ROR1: variants seen among roughly 807,000 people sequenced by gnomAD.
The protein encoded by ROR1 is ROR family WNT receptor 1.
ROR1 carries 19 observed loss-of-function variants against 78.8 expected under a neutral mutation model. The ratio of observed to expected loss-of-function variants is 0.24; its 90% CI spans 0.17 to 0.35. The LOEUF (loss-of-function observed/expected upper bound fraction) is 0.35. Among genes scored for constraint, ROR1 ranks in the 10% least tolerant of loss-of-function variants. The probability of loss-of-function intolerance (pLI) is 1.00; values close to 1 mark genes in which losing one functional copy is unlikely to be tolerated. For missense variants in ROR1, 917 were observed against 1,177.8 expected, an observed-to-expected ratio of 0.78 and a Z score of 3.24; for synonymous variants, 386 against 433.6, an observed-to-expected ratio of 0.89 and a Z score of 1.36.
intron 1 of ROR1, among the ~76,000 whole-genome samples, chr1:63,904,680 A>G (rs1034253500): frequency 6.6e-6 from 1 of 152,200 alleles, no homozygotes; most frequent in Non-Finnish European, 1.5e-5. Flanking sequence ...CATTAGGGTG[A>G]GCCCTAATCC....
intron 1 of ROR1, among the ~76,000 whole-genome samples, chr1:63,901,300 C>T (rs1645483825): frequency 6.6e-6 from 1 of 152,172 alleles, no homozygotes; most frequent in Admixed American, 6.5e-5. Flanking sequence ...TTCTGAACCA[C>T]CGATCACCTA....
chr1:64,113,410 G>A (rs567737330), intron 4 of ROR1, among the ~76,000 whole-genome samples: 19 of 152,178 alleles, frequency 1.2e-4, no homozygotes, highest in Non-Finnish European at 2.4e-4. Flanking sequence ...GCAGTAGGCC[G>A]AAGAGATAGC....
At chr1:64,098,975 CTTTCACACAT>C (rs1430646052) in intron 4 of ROR1, among the ~76,000 whole-genome samples, 1 of 151,844 alleles carries the variant, frequency 6.6e-6, no homozygotes, top group African/African-American at 2.4e-5. Context: ...TCATAAAGCA[CTTTCACACAT>C]GTTATTCATG....
chr1:63,930,537 A>G (rs757628671), intron 1 of ROR1, among the ~76,000 whole-genome samples: 1 of 152,244 alleles, frequency 6.6e-6, no homozygotes, highest in Non-Finnish European at 1.5e-5. Context: ...CCAGTCTTCC[A>G]GCTGCATCAG....
chr1:63,876,645 GGTGTGTGT>G (rs367954652), intron 1 of ROR1, among the ~76,000 whole-genome samples: 18 of 130,610 alleles, frequency 1.4e-4, no homozygotes, highest in African/African-American at 4.5e-4. Context: ...CCACGAAAGG[GGTGTGTGT>G]GTGTGTGTGT....
chr1:63,979,855 TAGAA>T (rs1290818150), intron 1 of ROR1, among the ~76,000 whole-genome samples: 20 of 152,088 alleles, frequency 1.3e-4, no homozygotes, highest in Non-Finnish European at 2.8e-4. Context: ...AGGTAACAAA[TAGAA>T]AGATCTAAAA....
chr1:64,111,939 TC>T (rs1648114524), intron 4 of ROR1: 1 of 152,206 alleles, frequency 6.6e-6, no homozygotes, highest in Admixed American at 6.5e-5. Flanking sequence ...CAATGAAAAG[TC>T]CTTACATTCC....
intron 1 of ROR1, among the ~76,000 whole-genome samples, chr1:63,965,250 T>G (rs1646064088): frequency 1.3e-5 from 2 of 152,140 alleles, no homozygotes; most frequent in African/African-American, 4.8e-5. Context: ...AGCTCCACAC[T>G]AAACTGGCCC....
intron 4 of ROR1, among the ~76,000 whole-genome samples, chr1:64,054,120 A>G (rs1646855247): frequency 6.6e-6 from 1 of 151,520 alleles, no homozygotes; most frequent in Non-Finnish European, 1.5e-5. Flanking sequence ...TGCCTGGCAA[A>G]TTTTTGTATG....
intron 1 of ROR1, among the ~76,000 whole-genome samples, chr1:63,821,251 GT>G (rs957610118): frequency 5.9e-5 from 9 of 152,170 alleles, no homozygotes; most frequent in African/African-American, 2.2e-4. Context: ...CTTGACCCCA[GT>G]TTCACCCACA....
At chr1:63,986,578 T>A (rs998727957) in intron 1 of ROR1, among the ~76,000 whole-genome samples, 1 of 152,170 alleles carries the variant, frequency 6.6e-6, no homozygotes, top group African/African-American at 2.4e-5. Context: ...CAGCAAAGGT[T>A]CTAACCCAGG....
chr1:64,080,537 C>T (rs1312777127), intron 4 of ROR1, among the ~76,000 whole-genome samples: 3 of 152,128 alleles, frequency 2.0e-5, no homozygotes, highest in Admixed American at 6.6e-5. Context: ...TGAACTCTAC[C>T]CCCACCCATC....
chr1:63,828,510 G>C (rs1644968629), intron 1 of ROR1, among the ~76,000 whole-genome samples: 4 of 152,100 alleles, frequency 2.6e-5, no homozygotes, highest in Admixed American at 2.6e-4. Context: ...AATTACTGAT[G>C]GGGGCAACTT....
intron 2 of ROR1, among the ~76,000 whole-genome samples, chr1:64,034,671 G>T (rs547531349): frequency 6.6e-6 from 1 of 152,220 alleles, no homozygotes; most frequent in East Asian, 1.9e-4. Flanking sequence ...CTACCAAGAA[G>T]TGCCTTCTTC....
In ROR1 at chr1:63,940,727, A is replaced by G. The variant is rs927410950; in HGVS notation, c.92-68578A>G. On this transcript the variant is annotated intron_variant, in intron 1 of 8. Transcript: ENST00000371079. The stretch of plus-strand genomic sequence containing the variant: ...GAGAGGGGTTGATAAGGAACAGGAT[A>G]TTTGTATGGGTTTAAAGTATCTCCC... Among the ~76,000 whole-genome samples the G allele has an allele frequency of 1.8e-4, 27 of 152,292 alleles. 1 individual carries two copies. The highest frequency in any genetic ancestry group is 1.0e-3 in the Admixed American group (16 of 15,300).
chr1:64,084,959 C>T (rs897578212), intron 4 of ROR1, among the ~76,000 whole-genome samples: 2 of 152,180 alleles, frequency 1.3e-5, no homozygotes, highest in African/African-American at 4.8e-5. Context: ...CTGATTCCAT[C>T]CAGTTTCAAA....
chr1:63,904,300 G>A (rs1418441876), intron 1 of ROR1, among the ~76,000 whole-genome samples: 2 of 152,080 alleles, frequency 1.3e-5, no homozygotes, highest in Non-Finnish European at 2.9e-5. Context: ...GGAAACTGAG[G>A]CCCAGATAAA....
intron 1 of ROR1, among the ~76,000 whole-genome samples, chr1:63,983,226 A>G (rs1010328276): frequency 1.3e-5 from 2 of 152,142 alleles, no homozygotes; most frequent in Non-Finnish European, 2.9e-5. Flanking sequence ...CATTTTACAG[A>G]TATGGAAACG....
intron 2 of ROR1, among the ~76,000 whole-genome samples, chr1:64,025,041 A>G (rs942599034): frequency 1.3e-5 from 2 of 152,190 alleles, no homozygotes; most frequent in Admixed American, 1.3e-4. Context: ...GAATCTATCA[A>G]TCTTTGGTGT....
Sources: gnomAD v4.1 joint callset for allele counts (sites outside exome capture counted in the v4.1 genomes callset) on GRCh38, gnomAD v4.1.1 for gene constraint, MANE v1.5 for transcripts, NCBI Gene and HGNC (gene_info 2026-07-23, HGNC 2026-07-21) for gene names.